NTNG1: variants seen among roughly 807,000 people sequenced by gnomAD.
NTNG1 encodes netrin G1.
NTNG1 carries 16 observed loss-of-function variants against 54.0 expected under a neutral mutation model. The observed-to-expected ratio is 0.30, with a 90% CI of 0.20 to 0.45. NTNG1 has a LOEUF of 0.45. Ranked by LOEUF, NTNG1 falls within the 20% of genes least tolerant of loss-of-function variation. The pLI is 1.00. For missense variants in NTNG1, 530 were observed against 678.7 expected (o/e 0.78, Z 2.43); for synonymous variants, 255 against 263.1 (o/e 0.97, Z 0.30).
intron 2 of NTNG1, among the ~76,000 whole-genome samples, chr1:107,199,505 A>G (rs12117641): frequency 0.046 from 6,973 of 152,028 alleles, 163 homozygotes; most frequent in African/African-American, 0.054. Context: ...ACTACTTTAT[A>G]GTAATACTAA....
At chr1:107,215,446 G>C (rs1570875232) in intron 2 of NTNG1, among the ~76,000 whole-genome samples, 1 of 152,166 alleles carries the variant, frequency 6.6e-6, no homozygotes, top group South Asian at 2.1e-4. Context: ...GACTGTAAGT[G>C]TTTGTCTTTA....
At chr1:107,471,965 A>G (rs758532042) in intron 7 of NTNG1, among the ~76,000 whole-genome samples, 8 of 152,182 alleles carry the variant, frequency 5.3e-5, no homozygotes, top group Non-Finnish European at 1.0e-4. Context: ...ACCTCCACAT[A>G]ATTCATCTTG....
Position 107,354,266 on chromosome 1 carries a change from C to T in NTNG1, c.887+29344C>T, listed in dbSNP as rs1284478365. 2.8e-4 allele frequency among the ~76,000 whole-genome samples: 43 copies of T among 151,784 alleles called. 1 individual carries two copies. The East Asian group carries it at 7.0e-3, about 25-fold the overall frequency. ...CGGGCAGATCATGAGGTCAAGAGTT[C>T]AAGACCAGCCTGGCCAATATGGTGA... On this transcript the variant is annotated intron_variant, in intron 3 of 7. Coordinates refer to ENST00000370068, the MANE Select transcript of NTNG1 (RefSeq NM_001113226.3).
At chr1:107,251,681 A>G (rs1018366482) in intron 2 of NTNG1, among the ~76,000 whole-genome samples, 6 of 152,110 alleles carry the variant, frequency 3.9e-5, no homozygotes, top group African/African-American at 1.4e-4. Flanking sequence ...AACTCTGATC[A>G]TGTCACTTCA....
At chr1:107,334,875 A>G (rs1668489867) in intron 3 of NTNG1, among the ~76,000 whole-genome samples, 1 of 152,004 alleles carries the variant, frequency 6.6e-6, no homozygotes, top group African/African-American at 2.4e-5. Flanking sequence ...CATTCTGAGG[A>G]CGGTTTTCCC....
intron 3 of NTNG1, among the ~76,000 whole-genome samples, chr1:107,347,136 A>AT (rs1669296833): frequency 6.6e-6 from 1 of 152,050 alleles, no homozygotes; most frequent in Admixed American, 6.6e-5. Flanking sequence ...ATTCAAATCC[A>AT]TCTCTCCATC....
chr1:107,204,818 A>T (rs1429135635), intron 2 of NTNG1, among the ~76,000 whole-genome samples: 1 of 151,940 alleles, frequency 6.6e-6, no homozygotes, highest in East Asian at 1.9e-4. Context: ...CTCTGTACAT[A>T]CCCTTCTTGA....
rs976476158 is a variant in NTNG1 at position 107,484,317 on chromosome 1, A to G, written c.*3477A>G. On this transcript the variant is annotated 3_prime_UTR_variant, in exon 8 of 8. Transcript: ENST00000370068. ...AAGGGCTACCACGAGGCTGGGGGCC[A>G]GTACAGAACACTGAACAGTCTAAGA... 4.6e-5 allele frequency among the ~76,000 whole-genome samples: 7 copies of G among 152,248 alleles called. No individual in the cohort carries two copies. Among genetic ancestry groups the G allele is most frequent in the African/African-American group, 1.4e-4 (6 of 41,464 alleles).
intron 5 of NTNG1, among the ~76,000 whole-genome samples, chr1:107,429,420 T>C (rs1467857630): frequency 3.3e-5 from 5 of 152,264 alleles, no homozygotes; most frequent in Admixed American, 2.6e-4. Flanking sequence ...TCATTTTTAC[T>C]CTACTCATCA....
At chr1:107,374,560 A>G (rs764171694) in intron 3 of NTNG1, among the ~76,000 whole-genome samples, 2 of 151,948 alleles carry the variant, frequency 1.3e-5, no homozygotes, top group Non-Finnish European at 2.9e-5. Context: ...TAGAAGTTCA[A>G]TTTGGGTCTT....
intron 2 of NTNG1, among the ~76,000 whole-genome samples, chr1:107,196,518 G>A (rs1007611137): frequency 6.6e-6 from 1 of 151,956 alleles, no homozygotes; most frequent in Admixed American, 6.6e-5. Context: ...TAGTGGGATG[G>A]ACTCGGAGTC....
intron 2 of NTNG1, among the ~76,000 whole-genome samples, chr1:107,193,273 G>A (rs781285033): frequency 4.6e-5 from 7 of 151,756 alleles, no homozygotes; most frequent in Admixed American, 2.6e-4. Context: ...ATAGTCTTCC[G>A]GATATAATTT....
intron 2 of NTNG1, among the ~76,000 whole-genome samples, chr1:107,255,143 T>C (rs1662850292): frequency 6.6e-6 from 1 of 152,152 alleles, no homozygotes; most frequent in African/African-American, 2.4e-5. Context: ...ACCAAAATAG[T>C]AAAATAATTA....
chr1:107,371,515 A>G (rs1670921914), intron 3 of NTNG1, among the ~76,000 whole-genome samples: 1 of 152,066 alleles, frequency 6.6e-6, no homozygotes, highest in Admixed American at 6.5e-5. Flanking sequence ...AATAGACAAG[A>G]TTTTTTGAAA....
chr1:107,379,233 C>T (rs1014841651), intron 3 of NTNG1, among the ~76,000 whole-genome samples: 14 of 152,164 alleles, frequency 9.2e-5, no homozygotes, highest in South Asian at 2.1e-4. Context: ...GGAACTGCAT[C>T]GTGGCAGTTA....
chr1:107,388,019 T>A (rs1672119757), intron 3 of NTNG1, among the ~76,000 whole-genome samples: 2 of 152,206 alleles, frequency 1.3e-5, no homozygotes, highest in South Asian at 4.1e-4. Flanking sequence ...TTACTCTGTT[T>A]ATAGTCTGTA....
At chr1:107,190,139 T>C (rs1490491791) in intron 2 of NTNG1, among the ~76,000 whole-genome samples, 4 of 152,058 alleles carry the variant, frequency 2.6e-5, no homozygotes, top group Non-Finnish European at 4.4e-5. Context: ...AGTAGAATGG[T>C]GGTTTCCAGG....
At chr1:107,300,467 A>G (rs536509130) in intron 2 of NTNG1, among the ~76,000 whole-genome samples, 4 of 152,260 alleles carry the variant, frequency 2.6e-5, no homozygotes, top group Admixed American at 2.0e-4. Context: ...ACACTCAATT[A>G]TTCTTTTACA....
intron 2 of NTNG1, among the ~76,000 whole-genome samples, chr1:107,188,328 T>G (rs1347036781): frequency 1.3e-5 from 2 of 152,110 alleles, no homozygotes; most frequent in Non-Finnish European, 2.9e-5. Flanking sequence ...CTTGTCTCAG[T>G]CATGGCCAGG....
Sources: allele counts gnomAD v4.1 joint callset (sites outside exome capture counted in the v4.1 genomes callset), GRCh38; gene constraint gnomAD v4.1.1; transcripts MANE v1.5; gene names NCBI Gene and HGNC (gene_info 2026-07-23, HGNC 2026-07-21).